DYSF: variants seen among roughly 807,000 people sequenced by gnomAD.
DYSF encodes the protein dystrophy-associated fer-1-like 1.
Under a neutral mutation model 274.9 loss-of-function variants are expected in DYSF, and 212 were observed. The ratio of observed to expected loss-of-function variants is 0.77; its 90% CI spans 0.69 to 0.86. DYSF has a LOEUF of 0.86. DYSF is among the 40% of genes least tolerant of loss of function. The pLI is 0.00. For synonymous variants in DYSF, 1,091 were observed against 1,078.7 expected (o/e 1.01, Z -0.22); for missense variants, 2,666 against 2,783.2 (o/e 0.96, Z 0.95).
intron 29 of DYSF, among the ~76,000 whole-genome samples, chr2:71,571,673 C>A (rs111207177): frequency 1.2e-4 from 14 of 112,860 alleles, no homozygotes; most frequent in South Asian, 3.2e-4. Flanking sequence ...CCCAGCACAC[C>A]CACAGATCAC....
At chr2:71,674,659 T>C (rs963482119) in intron 52 of DYSF, among the ~76,000 whole-genome samples, 1 of 152,216 alleles carries the variant, frequency 6.6e-6, no homozygotes, top group African/African-American at 2.4e-5. Flanking sequence ...AGTGAGGGTC[T>C]CAAGTCAGTC....
chr2:71,561,979 T>C, intron 23 of DYSF, 35 bp downstream of exon 23: 2 of 1,601,260 alleles, frequency 1.2e-6, no homozygotes, highest in Non-Finnish European at 1.7e-6. Flanking sequence ...CTTCTTCTGC[T>C]CTCCTGCTGC....
chr2:71,487,623 C>G (rs1316689021), intron 3 of DYSF, among the ~76,000 whole-genome samples: 2 of 152,210 alleles, frequency 1.3e-5, no homozygotes, highest in African/African-American at 4.8e-5. Flanking sequence ...ATTCTCCTGT[C>G]TCAGCCTCCC....
At chr2:71,536,705 T>G (rs868764549) in intron 16 of DYSF, among the ~76,000 whole-genome samples, 5 of 152,206 alleles carry the variant, frequency 3.3e-5, no homozygotes, top group Admixed American at 1.3e-4. Context: ...TGGTTTGGGT[T>G]GAAGTGGCAT....
intron 45 of DYSF, among the ~76,000 whole-genome samples, chr2:71,661,116 CA>C (rs55761719): frequency 0.56 from 48,490 of 86,608 alleles, 9,794 homozygotes; most frequent in Middle Eastern, 0.62. Flanking sequence ...AACCCTGTCT[CA>C]AAAAAAAAAA....
At chr2:71,637,054 A>G (rs2094414907) in intron 41 of DYSF, among the ~76,000 whole-genome samples, 1 of 152,208 alleles carries the variant, frequency 6.6e-6, no homozygotes, top group Admixed American at 6.5e-5. Context: ...TAAAAATTAG[A>G]GACAATAAGT....
At chr2:71,510,818 C>T (rs2086014201) in intron 4 of DYSF, among the ~76,000 whole-genome samples, 1 of 152,218 alleles carries the variant, frequency 6.6e-6, no homozygotes, top group African/African-American at 2.4e-5. Context: ...GCCTGACATT[C>T]AGTAAAAGAA....
rs575296236 is a variant in DYSF, at chr2:71,579,607, C to T, written c.3402+5236C>T. 7.0e-4 allele frequency among the ~76,000 whole-genome samples: 106 copies of T among 152,260 alleles called. 1 individual carries two copies. Among genetic ancestry groups the T allele is most frequent in the Middle Eastern group, 6.8e-3 (2 of 294 alleles). On this transcript the variant is annotated intron_variant, in intron 30 of 55. Transcript: ENST00000410020. ...CGTGCTAAAAACCAGGCTTTATATG[C>T]GTCATCTCATAGTGACCCCAGAAGG...
At chr2:71,556,132 T>G in intron 22 of DYSF, 61 bp downstream of exon 22, 1 of 1,399,296 alleles carries the variant, frequency 7.1e-7, no homozygotes, top group Non-Finnish European at 9.9e-7. Flanking sequence ...CCTGTTTCGC[T>G]GGGAGTGCTC....
intron 36 of DYSF, among the ~76,000 whole-genome samples, chr2:71,605,248 G>A (rs1302604011): frequency 1.3e-5 from 2 of 152,184 alleles, no homozygotes; most frequent in East Asian, 3.9e-4. Context: ...TGAGCCCTCT[G>A]TCTGGTTTCT....
chr2:71,614,337 A>G (rs2093836154), intron 40 of DYSF, among the ~76,000 whole-genome samples: 1 of 152,194 alleles, frequency 6.6e-6, no homozygotes, highest in Non-Finnish European at 1.5e-5. Flanking sequence ...GCCTGTATAG[A>G]CAACACCTGT....
intron 7 of DYSF, among the ~76,000 whole-genome samples, chr2:71,515,064 G>T (rs1041051830): frequency 6.6e-6 from 1 of 151,538 alleles, no homozygotes; most frequent in Non-Finnish European, 1.5e-5. Flanking sequence ...CCTTAATATT[G>T]TAAAATTTCA....
intron 4 of DYSF, among the ~76,000 whole-genome samples, chr2:71,505,017 G>A (rs1188674800): frequency 1.3e-5 from 2 of 152,134 alleles, no homozygotes; most frequent in East Asian, 3.9e-4. Context: ...TCCAGGAGGT[G>A]GCGGATGGGA....
At chr2:71,513,209 C>A in intron 5 of DYSF, 31 bp from the exon 6 acceptor site, 1 of 1,550,700 alleles carries the variant, frequency 6.4e-7, no homozygotes, top group South Asian at 1.2e-5. Flanking sequence ...CCTCCCTCCC[C>A]TCCCGGGGTT....
chr2:71,526,103 A>C, intron 12 of DYSF, 117 bp from the exon 13 acceptor site: 1 of 1,579,694 alleles, frequency 6.3e-7, no homozygotes, highest in Non-Finnish European at 8.7e-7. Flanking sequence ...GTCGGAGCGC[A>C]GTCTGCCTTA....
chr2:71,454,893 A>C (rs2080990957), intron 1 of DYSF, among the ~76,000 whole-genome samples: 1 of 127,960 alleles, frequency 7.8e-6, no homozygotes, highest in African/African-American at 3.0e-5. Context: ...AGCCAGAGCT[A>C]GGATCTACAC....
chr2:71,549,817 C>T (rs371337006), intron 17 of DYSF, among the ~76,000 whole-genome samples: 135 of 152,272 alleles, frequency 8.9e-4, no homozygotes, highest in African/African-American at 2.9e-3. Context: ...AGATGATTAA[C>T]GCAAATAATT....
Position 71,669,710 on chromosome 2 carries a change from C to G in DYSF, c.5748C>G (p.Tyr1916Ter). Residue 1916 changes from tyrosine (Y) to a stop codon, truncating the protein, a stop_gained, in exon 51 of 56, where the codon TAC (tyrosine) becomes TAG (stop). Transcript: ENST00000410020. LOFTEE classifies it high-confidence loss of function. ...FNWRFIFPFD[Y>*]LPAEQVCTIA... ...GGAGGTTCATTTTCCCCTTCGACTA[C>G]CTGCCAGCTGAGCAAGTCTGTACCA... The G allele has an allele frequency of 6.2e-7, 1 of 1,614,210 alleles. No homozygotes were observed. Among genetic ancestry groups the G allele is most frequent in the Non-Finnish European group, 8.5e-7 (1 of 1,180,054 alleles).
chr2:71,654,263 A>G (rs1326489809), intron 42 of DYSF, among the ~76,000 whole-genome samples: 1 of 152,266 alleles, frequency 6.6e-6, no homozygotes, highest in African/African-American at 2.4e-5. Flanking sequence ...AGTGATGGTG[A>G]AAGGCTGGGA....
Sources: gnomAD v4.1 joint callset for allele counts (sites outside exome capture counted in the v4.1 genomes callset) on GRCh38, gnomAD v4.1.1 for gene constraint, MANE v1.5 for transcripts, NCBI Gene and HGNC (gene_info 2026-07-23, HGNC 2026-07-21) for gene names.